The following MAGI1 variants were observed in gnomAD, a reference collection of about 807,000 sequenced individuals.
MAGI1 encodes the protein membrane associated guanylate kinase, WW and PDZ domain containing 1.
In MAGI1, 58 loss-of-function variants were observed where a neutral mutation model predicts 139.9. The observed-to-expected ratio is 0.41, with a 90% CI of 0.34 to 0.52. The LOEUF (loss-of-function observed/expected upper bound fraction) is 0.52, where lower values mean the gene tolerates loss of function less well. Ranked by LOEUF, MAGI1 falls within the 20% of genes least tolerant of loss-of-function variation. The pLI is 0.12. For missense variants in MAGI1, 1,874 were observed against 1,901.6 expected (o/e 0.99, Z 0.27); for synonymous variants, 812 against 737.9 (o/e 1.10, Z -1.63).
At chr3:65,413,764 T>A (rs2107216422) in intron 12 of MAGI1, among the ~76,000 whole-genome samples, 1 of 152,240 alleles carries the variant, frequency 6.6e-6, no homozygotes, top group Non-Finnish European at 1.5e-5. Flanking sequence ...AGGAATCAGT[T>A]TCACCCACAT....
chr3:65,746,975 C>T (rs1179990291), intron 1 of MAGI1, among the ~76,000 whole-genome samples: 1 of 152,124 alleles, frequency 6.6e-6, no homozygotes, highest in African/African-American at 2.4e-5. Context: ...CTAGTCTGGG[C>T]TAATGGAAGA....
chr3:66,030,427 A>G (rs939011909), intron 1 of MAGI1, among the ~76,000 whole-genome samples: 5 of 152,362 alleles, frequency 3.3e-5, no homozygotes, highest in Admixed American at 2.6e-4. Context: ...TACTGGGGAT[A>G]CTGTGGGAGA....
intron 6 of MAGI1, among the ~76,000 whole-genome samples, chr3:65,448,436 C>T (rs1039235336): frequency 6.6e-6 from 1 of 152,066 alleles, no homozygotes; most frequent in African/African-American, 2.4e-5. Flanking sequence ...CCTTTTAATC[C>T]TTCAATAATC....
chr3:65,638,997 C>A (rs2084818276), intron 1 of MAGI1, among the ~76,000 whole-genome samples: 1 of 152,172 alleles, frequency 6.6e-6, no homozygotes, highest in South Asian at 2.1e-4. Flanking sequence ...GATTCTCCCG[C>A]CTTGGCCTCC....
chr3:65,782,952 G>A (rs1402422885), intron 1 of MAGI1, among the ~76,000 whole-genome samples: 2 of 150,048 alleles, frequency 1.3e-5, no homozygotes, highest in East Asian at 3.9e-4. Flanking sequence ...CTTGAGTTAA[G>A]CAATGGTTTC....
In MAGI1 at chr3:65,655,331, TAAAAGGAAA is replaced by T. The variant is rs138600111; in HGVS notation, c.314-33252_314-33244del. Among the ~76,000 whole-genome samples the T allele has an allele frequency of 8.5e-5, 13 of 152,180 alleles. No homozygotes were observed. The East Asian group carries it at 2.3e-3, about 27-fold the overall frequency. On this transcript the variant is annotated intron_variant, in intron 1 of 22. Coordinates refer to ENST00000402939, the MANE Select transcript of MAGI1 (RefSeq NM_001033057.2). ...AAAACACATAAAGCAATGCACTAAT[TAAAAGGAAA>T]AAAATCTACATCCAACCATACATAG...
chr3:65,523,694 G>A (rs1319841753), intron 2 of MAGI1, among the ~76,000 whole-genome samples: 1 of 152,128 alleles, frequency 6.6e-6, no homozygotes, highest in Non-Finnish European at 1.5e-5. Context: ...GAACTCATAT[G>A]TAAGTTAGAA....
intron 1 of MAGI1, among the ~76,000 whole-genome samples, chr3:65,999,945 G>T (rs2888304): frequency 0.79 from 116,022 of 147,274 alleles, 46,004 homozygotes; most frequent in East Asian, 0.96. Context: ...AATGTACTCT[G>T]GTTAATCAGG....
chr3:65,978,573 G>A (rs887038633), intron 1 of MAGI1, among the ~76,000 whole-genome samples: 1 of 150,692 alleles, frequency 6.6e-6, no homozygotes, highest in East Asian at 1.9e-4. Context: ...TTCCATCACT[G>A]CAAGTGTCAT....
chr3:66,005,291 G>A (rs1295486410), intron 1 of MAGI1, among the ~76,000 whole-genome samples: 5 of 152,128 alleles, frequency 3.3e-5, no homozygotes. Context: ...CCAAGCAGGA[G>A]ATGGGGAGGC....
intron 5 of MAGI1, among the ~76,000 whole-genome samples, chr3:65,462,480 A>G (rs1214264212): frequency 6.6e-6 from 1 of 152,060 alleles, no homozygotes; most frequent in African/African-American, 2.4e-5. Flanking sequence ...TGGTCTATAT[A>G]TCTGTTTTGC....
intron 2 of MAGI1, among the ~76,000 whole-genome samples, chr3:65,526,683 T>A (rs17073054): frequency 2.6e-5 from 4 of 151,976 alleles, no homozygotes; most frequent in Admixed American, 2.6e-4. Context: ...TTCTCATCAC[T>A]TTAAATACAA....
At chr3:65,483,658 G>C (rs1413152442) in intron 3 of MAGI1, among the ~76,000 whole-genome samples, 1 of 152,198 alleles carries the variant, frequency 6.6e-6, no homozygotes, top group Non-Finnish European at 1.5e-5. Flanking sequence ...CACGTTTCCT[G>C]CAGTGGCTGG....
At chr3:65,394,091 T>C (rs1944179867) in intron 13 of MAGI1, among the ~76,000 whole-genome samples, 1 of 152,178 alleles carries the variant, frequency 6.6e-6, no homozygotes, top group Non-Finnish European at 1.5e-5. Flanking sequence ...TCATGGGTTT[T>C]TGAAACCCTC....
At chr3:65,932,269 T>C (rs1474015281) in intron 1 of MAGI1, among the ~76,000 whole-genome samples, 3 of 152,200 alleles carry the variant, frequency 2.0e-5, no homozygotes, top group Non-Finnish European at 4.4e-5. Flanking sequence ...TTATGTTCTT[T>C]TCAAATTACT....
At chr3:65,837,579 C>A (rs2058669178) in intron 1 of MAGI1, among the ~76,000 whole-genome samples, 1 of 152,224 alleles carries the variant, frequency 6.6e-6, no homozygotes, top group African/African-American at 2.4e-5. Context: ...GCTTACCCAA[C>A]CATGGGGGCC....
intron 1 of MAGI1, among the ~76,000 whole-genome samples, chr3:65,663,850 G>A (rs2086344905): frequency 6.6e-6 from 1 of 152,156 alleles, no homozygotes; most frequent in Non-Finnish European, 1.5e-5. Flanking sequence ...GGCCAAAAAT[G>A]TCTCCAGACA....
intron 12 of MAGI1, among the ~76,000 whole-genome samples, chr3:65,418,519 A>T (rs756343182): frequency 6.6e-6 from 1 of 152,078 alleles, no homozygotes; most frequent in Admixed American, 6.5e-5. Context: ...GACTAACCCC[A>T]AGGCCTACCC....
At chr3:65,583,101 A>C (rs1054461861) in intron 2 of MAGI1, among the ~76,000 whole-genome samples, 1 of 152,290 alleles carries the variant, frequency 6.6e-6, no homozygotes, top group Admixed American at 6.5e-5. Flanking sequence ...TTTGCCTTTT[A>C]TCTCTCATAC....
Sources: allele counts gnomAD v4.1 joint callset (sites outside exome capture counted in the v4.1 genomes callset), GRCh38; gene constraint gnomAD v4.1.1; transcripts MANE v1.5; gene names NCBI Gene and HGNC (gene_info 2026-07-23, HGNC 2026-07-21).